TRIM2: variants seen among roughly 807,000 people sequenced by gnomAD.
TRIM2 encodes tripartite motif-containing protein 2.
A neutral mutation model predicts 75.2 loss-of-function variants in TRIM2; 20 were observed. The observed-to-expected ratio is 0.27, with a 90% confidence interval of 0.19 to 0.39. The LOEUF is 0.39. Among genes scored for constraint, TRIM2 ranks in the 10% least tolerant of loss-of-function variants. The pLI is 1.00. For synonymous variants in TRIM2, 373 were observed against 388.3 expected, an observed-to-expected ratio of 0.96 and a Z score of 0.46; for missense variants, 660 against 990.8, an observed-to-expected ratio of 0.67 and a Z score of 4.48.
At chr4:153,237,783 A>G (rs762694642) in intron 1 of TRIM2, among the ~76,000 whole-genome samples, 1 of 152,248 alleles carries the variant, frequency 6.6e-6, no homozygotes, top group Non-Finnish European at 1.5e-5. Context: ...TATCAAAGTC[A>G]GGACATCTAT....
At chr4:153,271,424 CTGAT>C (rs1652298461) in intron 2 of TRIM2, among the ~76,000 whole-genome samples, 1 of 152,062 alleles carries the variant, frequency 6.6e-6, no homozygotes, top group Admixed American at 6.6e-5. Context: ...TCTTTATTAT[CTGAT>C]TGACCATTTT....
upstream of TRIM2, among the ~76,000 whole-genome samples, chr4:153,200,003 A>C (rs924335715): frequency 1.4e-5 from 2 of 140,258 alleles, no homozygotes; most frequent in Non-Finnish European, 3.0e-5. Context: ...GTGCAGTGGT[A>C]TGATCTTGGC....
At chr4:153,217,490 G>A (rs1738805375) in intron 1 of TRIM2, among the ~76,000 whole-genome samples, 1 of 152,204 alleles carries the variant, frequency 6.6e-6, no homozygotes, top group Admixed American at 6.5e-5. Context: ...GTCAGTGCAA[G>A]AATTGCTGTG....
chr4:153,176,229 G>A (rs953906964), intron 1 of TRIM2, among the ~76,000 whole-genome samples: 1 of 152,016 alleles, frequency 6.6e-6, no homozygotes, highest in African/African-American at 2.4e-5. Flanking sequence ...GGAGGCAGGC[G>A]GGTTACTTGA....
chr4:153,294,216 A>G (rs184659411), intron 4 of TRIM2, 89 bp from the exon 5 acceptor site: 31 of 1,386,994 alleles, frequency 2.2e-5, no homozygotes, highest in Non-Finnish European at 2.0e-6. Flanking sequence ...AAGGCATAGA[A>G]TTTTTTTAAA....
intron 1 of TRIM2, among the ~76,000 whole-genome samples, chr4:153,163,335 G>A (rs1266819547): frequency 2.6e-5 from 4 of 151,902 alleles, no homozygotes; most frequent in Admixed American, 2.6e-4. Flanking sequence ...ACAGGCATGA[G>A]CCACCATGCC....
At chr4:153,165,268 C>T (rs899909674) in intron 1 of TRIM2, among the ~76,000 whole-genome samples, 2 of 152,190 alleles carry the variant, frequency 1.3e-5, no homozygotes, top group Admixed American at 6.5e-5. Flanking sequence ...AATAAATCCT[C>T]CAGTAGTTTC....
chr4:153,175,978 A>G (rs1731393110), intron 1 of TRIM2, among the ~76,000 whole-genome samples: 1 of 152,026 alleles, frequency 6.6e-6, no homozygotes, highest in Non-Finnish European at 1.5e-5. Context: ...CAGGAGTTTG[A>G]GGCTATAGTG....
At chr4:153,287,597 T>C (rs945605672) in intron 3 of TRIM2, among the ~76,000 whole-genome samples, 2 of 152,158 alleles carry the variant, frequency 1.3e-5, no homozygotes, top group South Asian at 4.1e-4. Context: ...CATATTTTTA[T>C]TTTTCTTTAT....
chr4:153,158,976 C>T (rs1483271231), intron 1 of TRIM2, among the ~76,000 whole-genome samples: 1 of 152,130 alleles, frequency 6.6e-6, no homozygotes, highest in South Asian at 2.1e-4. Context: ...AGGTGTGTGA[C>T]CTTGAGCAAT....
intron 1 of TRIM2, among the ~76,000 whole-genome samples, chr4:153,162,933 A>T (rs1468165818): frequency 6.6e-6 from 1 of 152,184 alleles, no homozygotes; most frequent in Non-Finnish European, 1.5e-5. Context: ...GACATGGACC[A>T]TGCTCTCCAG....
At chr4:153,193,719 A>G (rs1733469174) in intron 1 of TRIM2, among the ~76,000 whole-genome samples, 1 of 152,170 alleles carries the variant, frequency 6.6e-6, no homozygotes, top group Non-Finnish European at 1.5e-5. Flanking sequence ...AAACACTACC[A>G]TGCTGCCTTT....
intron 11 of TRIM2, among the ~76,000 whole-genome samples, chr4:153,333,641 C>T (rs1285674958): frequency 6.6e-6 from 1 of 152,084 alleles, no homozygotes; most frequent in Non-Finnish European, 1.5e-5. Flanking sequence ...GATTTCACAT[C>T]CAAACATATA....
At chr4:153,202,835 G>A (rs906698543), upstream of TRIM2, among the ~76,000 whole-genome samples, 9 of 151,988 alleles carry the variant, frequency 5.9e-5, 1 homozygote, top group Middle Eastern at 6.8e-3. Context: ...GGCCGGGCGC[G>A]GTGGCTCACA....
chr4:153,319,213 T>G (rs1768368848), intron 8 of TRIM2, among the ~76,000 whole-genome samples: 1 of 152,176 alleles, frequency 6.6e-6, no homozygotes, highest in Non-Finnish European at 1.5e-5. Flanking sequence ...ATTCACCAAT[T>G]TATTAGCCCT....
intron 3 of TRIM2, among the ~76,000 whole-genome samples, chr4:153,277,403 G>A (rs1294232510): frequency 2.6e-5 from 4 of 152,082 alleles, no homozygotes; most frequent in Non-Finnish European, 5.9e-5. Flanking sequence ...TGCTCACTGT[G>A]GTCTGCTTGC....
intron 1 of TRIM2, among the ~76,000 whole-genome samples, chr4:153,210,280 G>A (rs144148442): frequency 0.038 from 5,782 of 152,156 alleles, 377 homozygotes; most frequent in African/African-American, 0.13. Flanking sequence ...GGCCAGGCCG[G>A]TCTCAAACTC....
At chr4:153,293,640 G>A (rs1762246849) in intron 4 of TRIM2, among the ~76,000 whole-genome samples, 1 of 152,164 alleles carries the variant, frequency 6.6e-6, no homozygotes, top group Non-Finnish European at 1.5e-5. Context: ...AGTGGTGCAT[G>A]AAAAAGACCA....
At chr4:153,228,051 T>A (rs1004442461) in intron 1 of TRIM2, among the ~76,000 whole-genome samples, 5 of 152,216 alleles carry the variant, frequency 3.3e-5, no homozygotes, top group African/African-American at 9.6e-5. Context: ...TTATGCGAAG[T>A]AAACATTTTG....
Sources: gnomAD v4.1 joint callset for allele counts (sites outside exome capture counted in the v4.1 genomes callset) on GRCh38, gnomAD v4.1.1 for gene constraint, MANE v1.5 for transcripts, NCBI Gene and HGNC (gene_info 2026-07-23, HGNC 2026-07-21) for gene names.